ARHGAP25: variants seen among roughly 807,000 people sequenced by gnomAD.
The protein encoded by ARHGAP25 is rho GTPase-activating protein 25.
A neutral mutation model predicts 71.0 loss-of-function variants in ARHGAP25; 34 were observed. The observed-to-expected ratio is 0.48, with a 90% CI of 0.36 to 0.64. ARHGAP25 has a LOEUF of 0.64. Among genes scored for constraint, ARHGAP25 ranks in the 30% least tolerant of loss-of-function variants. The pLI, the probability that ARHGAP25 is intolerant of heterozygous loss-of-function variation, is 0.00. For missense variants in ARHGAP25, 706 were observed against 805.1 expected (o/e 0.88, Z 1.49); for synonymous variants, 282 against 296.5 (o/e 0.95, Z 0.50).
At chr2:68,825,266 A>T (rs17036020) in intron 10 of ARHGAP25, among the ~76,000 whole-genome samples, 3,812 of 152,254 alleles carry the variant, frequency 0.025, 175 homozygotes, top group African/African-American at 0.086. Flanking sequence ...TTGACACAGG[A>T]TGAGGAGGCA....
Position 68,826,618 on chromosome 2 carries a change from C to T in ARHGAP25, c.*424C>T, listed in dbSNP as rs577435540. 3 of 324,210 alleles carry T rather than the reference C, an allele frequency of 9.3e-6. No homozygotes were observed. Among genetic ancestry groups the T allele is most frequent in the African/African-American group, 6.5e-5 (3 of 46,298 alleles). The allele number at this position is 324,210 out of a possible 1,614,324, so 20.1% of individuals were successfully genotyped here. A position where few individuals can be genotyped will look rare whatever the true frequency, so the allele number is the denominator to read the frequency against. On this transcript the variant is annotated 3_prime_UTR_variant, in exon 11 of 11. Transcript: ENST00000409202. The stretch of plus-strand genomic sequence containing the variant: ...TCTGAGACACAGGGGCAGAAAATGA[C>T]ATTCATCTTTTGAGTCCTCATCCAT...
intron 4 of ARHGAP25, among the ~76,000 whole-genome samples, chr2:68,789,926 G>A (rs1679045082): frequency 6.6e-6 from 1 of 152,158 alleles, no homozygotes. Flanking sequence ...GGGGAAATCA[G>A]AGTGCAACAG....
chr2:68,805,683 G>C (rs1004902320), intron 4 of ARHGAP25, among the ~76,000 whole-genome samples: 1 of 152,152 alleles, frequency 6.6e-6, no homozygotes, highest in South Asian at 2.1e-4. Context: ...CCTACGCTGG[G>C]TAGTGGGTAG....
intron 4 of ARHGAP25, among the ~76,000 whole-genome samples, chr2:68,804,648 C>T (rs954406411): frequency 6.6e-6 from 1 of 152,200 alleles, no homozygotes; most frequent in Non-Finnish European, 1.5e-5. Context: ...TTCCATGTCC[C>T]TTGTCTGTAC....
intron 2 of ARHGAP25, among the ~76,000 whole-genome samples, chr2:68,716,404 A>G (rs1378460720): frequency 6.6e-6 from 1 of 152,216 alleles, no homozygotes; most frequent in Non-Finnish European, 1.5e-5. Flanking sequence ...ATGCTATGGA[A>G]ATGATTCTTA....
chr2:68,813,348 C>A lies in ARHGAP25; in HGVS notation c.736C>A (p.Pro246Thr). The A allele has an allele frequency of 6.2e-7, 1 of 1,613,888 alleles. No homozygotes were observed. The highest frequency in any genetic ancestry group is 2.2e-5 in the East Asian group (1 of 44,862). The change falls in exon 6 of 11, where the codon CCC becomes ACC. Residue 246 changes from proline to threonine, a missense_variant. Pro to Thr is a conservative substitution (Grantham distance 38). Transcript: ENST00000409202. ...GCTCTACCTCCGAGACCTCCCAGAG[C>A]CCGTGGTTCCCTGGAGCCAGTACGA... Reference protein sequence around the residue: ...LKLYLRDLPEPVVPWSQYEGF... With the variant: ...LKLYLRDLPETVVPWSQYEGF...
chr2:68,817,744 C>T, intron 7 of ARHGAP25, 129 bp from the exon 8 acceptor site: 1 of 1,151,908 alleles, frequency 8.7e-7, no homozygotes, highest in South Asian at 1.5e-5. Flanking sequence ...GTGGGCAGAG[C>T]AGGCTGGTCT....
intron 1 of ARHGAP25, among the ~76,000 whole-genome samples, chr2:68,766,309 T>C (rs902396488): frequency 3.3e-5 from 5 of 152,236 alleles, no homozygotes; most frequent in Non-Finnish European, 7.3e-5. Context: ...GTTAACCAGC[T>C]ACATTGTCAA....
At chr2:68,789,806 T>C (rs1679036942) in intron 4 of ARHGAP25, among the ~76,000 whole-genome samples, 1 of 152,128 alleles carries the variant, frequency 6.6e-6, no homozygotes, top group South Asian at 2.1e-4. Flanking sequence ...AGTGAACTGC[T>C]GTACTCTGTC....
chr2:68,713,478 A>G (rs989977286), intron 2 of ARHGAP25, among the ~76,000 whole-genome samples: 2 of 151,756 alleles, frequency 1.3e-5, no homozygotes, highest in Non-Finnish European at 2.9e-5. Context: ...CTCTCTTCCT[A>G]TTTGATTATT....
At chr2:68,716,158 C>T (rs1674604675) in intron 2 of ARHGAP25, among the ~76,000 whole-genome samples, 1 of 152,198 alleles carries the variant, frequency 6.6e-6, no homozygotes. Flanking sequence ...CTGTGCCCGC[C>T]ATTCTTCCTA....
At chr2:68,768,195 C>T (rs1403442242) in intron 1 of ARHGAP25, among the ~76,000 whole-genome samples, 3 of 152,192 alleles carry the variant, frequency 2.0e-5, no homozygotes, top group Non-Finnish European at 4.4e-5. Flanking sequence ...ACATAAAGAG[C>T]ATGAGCATTA....
chr2:68,796,548 A>G lies in ARHGAP25; in HGVS notation c.466+8592A>G, dbSNP rs56867177. Among the ~76,000 whole-genome samples the G allele has an allele frequency of 6.5e-3, 989 of 152,296 alleles. 9 individuals are homozygous for G. The highest frequency in any genetic ancestry group is 0.023 in the African/African-American group (950 of 41,558). ...ACTATGATGTTGGTTGGGTAGGGCC[A>G]TTTGACTTTGCTTCTTAGTGTGTGC... On this transcript the variant is annotated intron_variant, in intron 4 of 10. Coordinates refer to ENST00000409202, the MANE Select transcript of ARHGAP25 (RefSeq NM_001007231.3).
At chr2:68,774,230 G>T (rs551543275) in intron 1 of ARHGAP25, among the ~76,000 whole-genome samples, 1 of 152,154 alleles carries the variant, frequency 6.6e-6, no homozygotes, top group South Asian at 2.1e-4. Context: ...CATTGAACTG[G>T]CTGGGAAATA....
chr2:68,754,150 A>G (rs1201747356), intron 1 of ARHGAP25, among the ~76,000 whole-genome samples: 2 of 152,022 alleles, frequency 1.3e-5, no homozygotes, highest in East Asian at 1.9e-4. Flanking sequence ...TTGAACTGCA[A>G]TCAGGTGGGT....
Position 68,801,396 on chromosome 2 carries a change from C to T in ARHGAP25, c.467-5877C>T, listed in dbSNP as rs546135959. ...GGCTAAAAGCATCTGATGAGACACA[C>T]GGAGAACCAAGAGGGACTGGTGTGC... is the stretch of plus-strand genomic sequence containing the variant. On this transcript the variant is annotated intron_variant, in intron 4 of 10. Transcript: ENST00000409202. Among the ~76,000 whole-genome samples the T allele has an allele frequency of 3.3e-5, 5 of 152,254 alleles. No homozygotes were observed. In the East Asian group the frequency reaches 9.7e-4, roughly 29 times the overall value.
intron 1 of ARHGAP25, among the ~76,000 whole-genome samples, chr2:68,774,103 A>G (rs1443347751): frequency 6.6e-6 from 1 of 152,128 alleles, no homozygotes; most frequent in African/African-American, 2.4e-5. Context: ...ACAAAAGCTG[A>G]AAAAGGGGGT....
intron 1 of ARHGAP25, among the ~76,000 whole-genome samples, chr2:68,750,121 C>T (rs568644411): frequency 1.3e-5 from 2 of 152,182 alleles, no homozygotes; most frequent in African/African-American, 2.4e-5. Context: ...ATCCTCCCAC[C>T]CCAGCCTCCC....
intron 2 of ARHGAP25, among the ~76,000 whole-genome samples, chr2:68,711,171 A>C (rs1674474042): frequency 1.3e-5 from 2 of 152,180 alleles, no homozygotes. Context: ...TTTGTAGTGC[A>C]TTCAGCTGCT....
Sources: gnomAD v4.1 joint callset for allele counts (sites outside exome capture counted in the v4.1 genomes callset) on GRCh38, gnomAD v4.1.1 for gene constraint, MANE v1.5 for transcripts, NCBI Gene and HGNC (gene_info 2026-07-23, HGNC 2026-07-21) for gene names.